The following ATP8A1 variants were observed in gnomAD, a reference collection of about 807,000 sequenced individuals.
ATP8A1 encodes phospholipid-transporting ATPase IA.
A neutral mutation model predicts 177.7 loss-of-function variants in ATP8A1; 90 were observed. The observed-to-expected ratio is 0.51, with a 90% CI of 0.43 to 0.60. The LOEUF (loss-of-function observed/expected upper bound fraction) is 0.60, where lower values mean the gene tolerates loss of function less well. Ranked by LOEUF, ATP8A1 falls within the 20% of genes least tolerant of loss-of-function variation. ATP8A1 has a pLI of 0.00. For synonymous variants in ATP8A1, 493 were observed against 485.9 expected, an observed-to-expected ratio of 1.01 and a Z score of -0.19; for missense variants, 1,072 against 1,392.8, an observed-to-expected ratio of 0.77 and a Z score of 3.67.
intron 1 of ATP8A1, 82 bp from the exon 2 acceptor site, chr4:42,627,191 G>A: frequency 1.0e-6 from 1 of 997,076 alleles, no homozygotes; most frequent in Admixed American, 2.4e-5. Flanking sequence ...TCTAGAATAT[G>A]AAATCTGTTA....
At chr4:42,555,854 A>T (rs2153213290) in intron 16 of ATP8A1, 114 bp downstream of exon 16, 10 of 715,488 alleles carry the variant, frequency 1.4e-5, no homozygotes, top group South Asian at 2.3e-5. Flanking sequence ...AAATAAATAA[A>T]TAAAAGATCA....
At chr4:42,524,721 T>G (rs1056041022) in intron 21 of ATP8A1, 42 bp downstream of exon 21, 8 of 1,294,320 alleles carry the variant, frequency 6.2e-6, no homozygotes, top group Non-Finnish European at 7.7e-6. Flanking sequence ...GTATATGATT[T>G]CTTTGTATTT....
At chr4:42,451,688 T>C (rs951714411) in intron 30 of ATP8A1, among the ~76,000 whole-genome samples, 1 of 152,212 alleles carries the variant, frequency 6.6e-6, no homozygotes, top group East Asian at 1.9e-4. Context: ...TTAGCACTTA[T>C]TGTCCTCAAA....
At chr4:42,603,294 G>A (rs931679166) in intron 5 of ATP8A1, among the ~76,000 whole-genome samples, 2 of 152,072 alleles carry the variant, frequency 1.3e-5, no homozygotes, top group African/African-American at 2.4e-5. Flanking sequence ...TCTTTCACTA[G>A]ATTTAATTCT....
At chr4:42,438,628 T>C (rs1293524947) in intron 33 of ATP8A1, among the ~76,000 whole-genome samples, 1 of 151,972 alleles carries the variant, frequency 6.6e-6, no homozygotes, top group Admixed American at 6.6e-5. Flanking sequence ...GGCTAGCTTA[T>C]AGAAATTGTT....
chr4:42,635,776 C>CAA, intron 1 of ATP8A1, among the ~76,000 whole-genome samples: 1 of 37,214 alleles, frequency 2.7e-5, no homozygotes, highest in Admixed American at 2.3e-4. Flanking sequence ...CACACACACA[C>CAA]ACACACATAT....
At chr4:42,478,109 C>T (rs1721273749) in intron 25 of ATP8A1, among the ~76,000 whole-genome samples, 1 of 152,022 alleles carries the variant, frequency 6.6e-6, no homozygotes. Flanking sequence ...AATCCCAGCC[C>T]TTTGGGAGAC....
intron 4 of ATP8A1, among the ~76,000 whole-genome samples, chr4:42,617,427 AAAGC>A (rs1403607055): frequency 2.0e-5 from 3 of 152,232 alleles, no homozygotes; most frequent in African/African-American, 7.2e-5. Flanking sequence ...ATTGCTTCCA[AAAGC>A]AAGCACAGTT....
At chr4:42,504,535 A>G (rs552425827) in intron 23 of ATP8A1, among the ~76,000 whole-genome samples, 2 of 152,358 alleles carry the variant, frequency 1.3e-5, no homozygotes, top group South Asian at 4.1e-4. Context: ...AAACACATCA[A>G]GAACCTAACA....
chr4:42,520,465 T>G (rs1423016269), intron 22 of ATP8A1, among the ~76,000 whole-genome samples: 2 of 152,128 alleles, frequency 1.3e-5, no homozygotes, highest in Non-Finnish European at 2.9e-5. Context: ...GAGATTGTGA[T>G]TATGGCCTCA....
chr4:42,622,019 G>A (rs774995715), intron 4 of ATP8A1, among the ~76,000 whole-genome samples: 3 of 152,142 alleles, frequency 2.0e-5, no homozygotes, highest in Non-Finnish European at 4.4e-5. Flanking sequence ...GGAATAACTG[G>A]TTAGCCATAT....
At chr4:42,433,559 C>T (rs1433623662) in intron 33 of ATP8A1, among the ~76,000 whole-genome samples, 1 of 152,034 alleles carries the variant, frequency 6.6e-6, no homozygotes, top group Non-Finnish European at 1.5e-5. Flanking sequence ...CAGATAAACC[C>T]CAATATGTTT....
intron 25 of ATP8A1, among the ~76,000 whole-genome samples, chr4:42,466,449 C>T (rs1408648866): frequency 6.6e-6 from 1 of 152,162 alleles, no homozygotes; most frequent in East Asian, 1.9e-4. Context: ...TATGTGCCTT[C>T]AGGAGGCCCC....
chr4:42,603,932 G>C (rs183384013), intron 5 of ATP8A1, among the ~76,000 whole-genome samples: 1 of 152,258 alleles, frequency 6.6e-6, no homozygotes, highest in East Asian at 1.9e-4. Flanking sequence ...CCCTTGCTCA[G>C]AACTCTTCAG....
At chr4:42,598,171 A>T (rs1734901301) in intron 6 of ATP8A1, among the ~76,000 whole-genome samples, 1 of 152,182 alleles carries the variant, frequency 6.6e-6, no homozygotes, top group Admixed American at 6.5e-5. Context: ...TTCTAAAAAC[A>T]ACATTTTAAC....
At chr4:42,456,722 T>TA (rs1718528631) in intron 27 of ATP8A1, among the ~76,000 whole-genome samples, 1 of 152,090 alleles carries the variant, frequency 6.6e-6, no homozygotes, top group African/African-American at 2.4e-5. Context: ...TAAGCACAAA[T>TA]ACAAAAACAA....
intron 1 of ATP8A1, among the ~76,000 whole-genome samples, chr4:42,651,991 T>C (rs1367269194): frequency 6.6e-6 from 1 of 152,270 alleles, no homozygotes; most frequent in African/African-American, 2.4e-5. Context: ...AAATTCTTAG[T>C]CTTCTGCTTT....
At chr4:42,415,687 C>T (rs1197400784) in intron 35 of ATP8A1, among the ~76,000 whole-genome samples, 2 of 152,142 alleles carry the variant, frequency 1.3e-5, no homozygotes, top group Non-Finnish European at 2.9e-5. Context: ...ATAACTGGAA[C>T]TGATTCAGCT....
At chr4:42,562,805 G>A (rs1359320261) in intron 15 of ATP8A1, among the ~76,000 whole-genome samples, 1 of 152,174 alleles carries the variant, frequency 6.6e-6, no homozygotes, top group Non-Finnish European at 1.5e-5. Flanking sequence ...TCCTGCACAA[G>A]CTCTCTTTGC....
Sources: gnomAD v4.1 joint callset for allele counts (sites outside exome capture counted in the v4.1 genomes callset) on GRCh38, gnomAD v4.1.1 for gene constraint, MANE v1.5 for transcripts, NCBI Gene and HGNC (gene_info 2026-07-23, HGNC 2026-07-21) for gene names.